AGBL2: variants seen among roughly 807,000 people sequenced by gnomAD.
AGBL2 encodes cytosolic carboxypeptidase 2.
In AGBL2, 87 loss-of-function variants were observed where a neutral mutation model predicts 103.0. The observed-to-expected ratio is 0.84, with a 90% CI of 0.71 to 1.01. AGBL2 has a LOEUF of 1.01. AGBL2 is among the 50% of genes least tolerant of loss of function. AGBL2 has a pLI of 0.00. For synonymous variants in AGBL2, 335 were observed against 356.7 expected, an observed-to-expected ratio of 0.94 and a Z score of 0.69; for missense variants, 904 against 1,023.5, an observed-to-expected ratio of 0.88 and a Z score of 1.59.
In AGBL2 at chr11:47,690,763, T is replaced by A. The variant is rs1273054417; in HGVS notation, c.944A>T (p.Asp315Val). 8 of 1,614,126 alleles carry A rather than the reference T, an allele frequency of 5.0e-6. No homozygotes were observed. Among genetic ancestry groups the A allele is most frequent in the Non-Finnish European group, 6.8e-6 (8 of 1,180,032 alleles). Reference protein sequence around the residue: ...FYFRVQNTRKDATYRFTIVNL... With the variant: ...FYFRVQNTRKVATYRFTIVNL... ...GACAATGGTGAAGCGATAGGTAGCA[T>A]CTTTTCTGGTGTTCTGAACACGAAA... Residue 315 changes from aspartate to valine, a missense_variant, in exon 10 of 19, where the codon GAT becomes GTT. By Grantham distance (152) the Asp-to-Val change is radical. Transcript: ENST00000525123.
intron 12 of AGBL2, among the ~76,000 whole-genome samples, chr11:47,681,087 T>A (rs547433169): frequency 1.2e-3 from 187 of 152,100 alleles, no homozygotes; most frequent in Non-Finnish European, 2.4e-3. Flanking sequence ...CCCAGTACTT[T>A]GAGAGGCCGA....
chr11:47,671,383 G>A (rs946415009), intron 14 of AGBL2, among the ~76,000 whole-genome samples: 1 of 152,096 alleles, frequency 6.6e-6, no homozygotes, highest in Non-Finnish European at 1.5e-5. Flanking sequence ...AGCTGGGTGT[G>A]GTAGCGGGTG....
At chr11:47,702,603 C>T (rs1313522033) in intron 7 of AGBL2, among the ~76,000 whole-genome samples, 5 of 151,992 alleles carry the variant, frequency 3.3e-5, no homozygotes, top group African/African-American at 4.8e-5. Flanking sequence ...CAGCTGGGTG[C>T]GGTGGCTCAT....
intron 11 of AGBL2, among the ~76,000 whole-genome samples, chr11:47,683,259 G>A (rs1161714225): frequency 6.6e-6 from 1 of 152,002 alleles, no homozygotes; most frequent in African/African-American, 2.4e-5. Flanking sequence ...TGTAATCCCA[G>A]CTACTCAGGA....
rs200852869 is a variant in AGBL2, at chr11:47,700,600, AAACC to A, written c.587-1051_587-1048del. Among the ~76,000 whole-genome samples the A allele has an allele frequency of 4.4e-3, 584 of 131,394 alleles. 22 individuals carry two copies. The East Asian group carries it at 0.099, about 22-fold the overall frequency. 86.2% of individuals were successfully genotyped at this position (131,394 alleles called of 152,430 possible). ...GTCTCAAAATAAATTTAAAACAAAC[AAACC>A]AACAAACAAACAAACAAACATTTCC... is the stretch of plus-strand genomic sequence containing the variant. On this transcript the variant is annotated intron_variant, in intron 7 of 18. Transcript: ENST00000525123.
intron 4 of AGBL2, 64 bp downstream of exon 4, chr11:47,710,313 G>A: frequency 1.2e-6 from 2 of 1,604,930 alleles, no homozygotes; most frequent in Non-Finnish European, 1.7e-6. Context: ...AGATTCTTCT[G>A]AATACTCAGA....
At chr11:47,685,670 C>T (rs2097420696) in intron 11 of AGBL2, among the ~76,000 whole-genome samples, 1 of 152,056 alleles carries the variant, frequency 6.6e-6, no homozygotes, top group Non-Finnish European at 1.5e-5. Flanking sequence ...AATCTGCTTG[C>T]CTTGGCCCCC....
intron 6 of AGBL2, 149 bp from the exon 7 acceptor site, chr11:47,704,877 A>C: frequency 1.6e-6 from 1 of 644,778 alleles, no homozygotes; most frequent in Non-Finnish European, 2.5e-6. Flanking sequence ...CTTCAAGAAG[A>C]TTTAGTCCAG....
chr11:47,710,628 A>G, intron 3 of AGBL2, 117 bp from the exon 4 acceptor site: 5 of 1,175,712 alleles, frequency 4.3e-6, no homozygotes, highest in Non-Finnish European at 6.2e-6. Flanking sequence ...GCCCTTTGCA[A>G]TGAATACACT....
rs1391247134 is a variant in AGBL2 at position 47,685,997 on chromosome 11, G to A, written c.1684C>T (p.Arg562Cys). ...CCATACAGGAAGATATTATTCTTACGACTGTGGCCATGGAAATCACAATAC... is the reference window on the plus strand; with the variant it reads ...CCATACAGGAAGATATTATTCTTACAACTGTGGCCATGGAAATCACAATAC... ...LLYCDFHGHS[R>C]KNNIFLYGCN... The change falls in exon 11 of 19, where the codon CGT becomes TGT. Residue 562 changes from arginine (R) to cysteine (C), a missense_variant. Transcript: ENST00000525123. 5 of 1,613,788 alleles carry A rather than the reference G, an allele frequency of 3.1e-6. No individual in the cohort carries two copies. Among genetic ancestry groups the A allele is most frequent in the Non-Finnish European group, 4.2e-6 (5 of 1,179,926 alleles).
intron 11 of AGBL2, 83 bp downstream of exon 11, chr11:47,685,810 T>C: frequency 7.4e-7 from 1 of 1,358,244 alleles, no homozygotes; most frequent in Admixed American, 2.2e-5. Context: ...AGATACAAAA[T>C]GCCAAATAAA....
rs565095945 is a variant in AGBL2 at position 47,690,678 on chromosome 11, T to C, written c.1029A>G (p.Gln343=). Reference sequence around the variant, plus strand: ...CAATATTGCGGGTGTTGGCATCCAATTGGGAGTACAAGAGTGGCTTCATCC... The same window carrying C: ...CAATATTGCGGGTGTTGGCATCCAACTGGGAGTACAAGAGTGGCTTCATCC... ...TVGMKPLLYS[Q]LDANTRNIGW... is the part of the protein sequence containing the mutation. The change falls in exon 10 of 19, where the codon CAA becomes CAG. Residue 343 remains glutamine (Q), a synonymous_variant. Coordinates refer to ENST00000525123, the MANE Select transcript of AGBL2 (RefSeq NM_024783.4). 3 of 1,614,150 alleles carry C rather than the reference T, an allele frequency of 1.9e-6. No individual in the cohort carries two copies. The South Asian group carries it at 3.3e-5, about 18-fold the overall frequency.
Position 47,714,377 on chromosome 11 carries a change from A to C in AGBL2, c.34-30T>G, listed in dbSNP as rs1286677520. On this transcript the variant is annotated intron_variant, in intron 2 of 18. Transcript: ENST00000525123. ...GAAAGGAAAGGCCACTTCAATCAAGATAATGTTTTCAAACCATAATAGACT... is the reference window on the plus strand; with the variant it reads ...GAAAGGAAAGGCCACTTCAATCAAGCTAATGTTTTCAAACCATAATAGACT... The C allele has an allele frequency of 4.4e-6, 7 of 1,601,482 alleles. No homozygotes were observed. In the Admixed American group the frequency reaches 1.2e-4, roughly 27 times the overall value.
At chr11:47,687,026 C>T (rs1198943773) in intron 10 of AGBL2, among the ~76,000 whole-genome samples, 1 of 142,210 alleles carries the variant, frequency 7.0e-6, no homozygotes, top group Non-Finnish European at 1.5e-5. Context: ...ATACCTAATG[C>T]TAAATGATGA....
intron 14 of AGBL2, 34 bp from the exon 15 acceptor site, chr11:47,668,941 C>T (rs1232044493): frequency 3.4e-6 from 5 of 1,485,154 alleles, no homozygotes; most frequent in Admixed American, 1.7e-5. Context: ...GAGGAAATAA[C>T]TGTCATTGAT....
At chr11:47,676,542 G>T (rs1001542769) in intron 14 of AGBL2, among the ~76,000 whole-genome samples, 17 of 152,154 alleles carry the variant, frequency 1.1e-4, no homozygotes, top group African/African-American at 3.9e-4. Flanking sequence ...GTCTGGGGCC[G>T]GACGCGGCGG....
intron 13 of AGBL2, among the ~76,000 whole-genome samples, chr11:47,678,343 A>ATTATTATTTTTTTTTTTTTTTTTTTTT (rs2097385523): frequency 5.6e-4 from 65 of 116,836 alleles, no homozygotes; most frequent in East Asian, 1.2e-3. Context: ...TTATTATTTT[A>ATTATTATTTTTTTTTTTTTTTTTTTTT]TTTTTTTTGA....
chr11:47,667,215 G>T (rs922364276), intron 16 of AGBL2, 152 bp from the exon 17 acceptor site: 11 of 639,548 alleles, frequency 1.7e-5, no homozygotes, highest in East Asian at 1.4e-4. Flanking sequence ...AAAGATTGAT[G>T]AGCTATCCAG....
intron 12 of AGBL2, 104 bp from the exon 13 acceptor site, chr11:47,680,177 C>T (rs1027097568): frequency 1.3e-5 from 9 of 692,020 alleles, no homozygotes; most frequent in African/African-American, 3.8e-5. Context: ...ACTGGCCAGG[C>T]GGGGTGGTTT....
Sources: allele counts gnomAD v4.1 joint callset (sites outside exome capture counted in the v4.1 genomes callset), GRCh38; gene constraint gnomAD v4.1.1; transcripts MANE v1.5; gene names NCBI Gene and HGNC (gene_info 2026-07-23, HGNC 2026-07-21).